TSPEAR: variants seen among roughly 807,000 people sequenced by gnomAD.
TSPEAR encodes thrombospondin type laminin G domain and EAR repeats, also known as thrombospondin-type laminin G domain and EAR repeat-containing protein.
A neutral mutation model predicts 71.6 loss-of-function variants in TSPEAR; 69 were observed. That is an observed-to-expected ratio of 0.96 (90% confidence interval 0.79 to 1.18). The LOEUF (loss-of-function observed/expected upper bound fraction) is 1.18, where lower values mean the gene tolerates loss of function less well. TSPEAR is among the 50% of genes most tolerant of loss of function. The pLI is 0.00. For synonymous variants in TSPEAR, 402 were observed against 387.2 expected, an observed-to-expected ratio of 1.04 and a Z score of -0.45; for missense variants, 971 against 894.9, an observed-to-expected ratio of 1.09 and a Z score of -1.09.
At chr21:44,637,716 G>A in intron 1 of TSPEAR, 1 of 1,223,036 alleles carries the variant, frequency 8.2e-7, no homozygotes, top group Non-Finnish European at 1.1e-6. Context: ...CCTGTCTGCT[G>A]TGTGCCCGTC....
At chr21:44,599,539 C>T (rs1555928133) in intron 1 of TSPEAR, among the ~76,000 whole-genome samples, 1 of 152,234 alleles carries the variant, frequency 6.6e-6, no homozygotes, top group African/African-American at 2.4e-5. Context: ...CACCTCCCTC[C>T]CTGGTGGGGT....
intron 1 of TSPEAR, chr21:44,654,786 C>T: frequency 1.7e-6 from 1 of 587,128 alleles, no homozygotes; most frequent in Non-Finnish European, 3.1e-6. Context: ...CTGTGTTTTT[C>T]TGTTGAGGTT....
Position 44,499,918 on chromosome 21 carries a change from G to A in TSPEAR, c.1875C>T (p.Gly625=), listed in dbSNP as rs587631248. The A allele has an allele frequency of 1.7e-5, 27 of 1,606,804 alleles. No individual in the cohort carries two copies. The South Asian group carries it at 2.5e-4, about 15-fold the overall frequency. ...SIIYRWQGYE[G]FVAVHSLPTV... is the part of the protein sequence containing the mutation. ...TGGGGAGGCTGTGCACCGCCACGAA[G>A]CCCTCGTAGCCCTGCCACCTGCGGA... is the stretch of plus-strand genomic sequence containing the variant. The change falls in exon 12 of 12, where the codon GGC becomes GGT. Residue 625 remains glycine (G), a synonymous_variant. Transcript: ENST00000323084.
chr21:44,586,988 A>G (rs1979378620), intron 1 of TSPEAR, among the ~76,000 whole-genome samples: 1 of 152,188 alleles, frequency 6.6e-6, no homozygotes, highest in African/African-American at 2.4e-5. Flanking sequence ...AAATGTAGGG[A>G]TGCCCATTCT....
intron 1 of TSPEAR, chr21:44,647,135 G>C (rs1555940240): frequency 6.2e-7 from 1 of 1,614,008 alleles, no homozygotes; most frequent in East Asian, 2.2e-5. Flanking sequence ...CCAGCTTGCT[G>C]CACCACCTCC....
At chr21:44,661,812 C>A (rs1449976498) in intron 1 of TSPEAR, among the ~76,000 whole-genome samples, 2 of 152,096 alleles carry the variant, frequency 1.3e-5, no homozygotes, top group Non-Finnish European at 2.9e-5. Context: ...AACCAGGTCT[C>A]CCAAGAACTC....
chr21:44,579,843 A>T lies in TSPEAR; in HGVS notation c.83-11838T>A, dbSNP rs782147875. On this transcript the variant is annotated intron_variant, in intron 1 of 11. Coordinates refer to ENST00000323084, the MANE Select transcript of TSPEAR (RefSeq NM_144991.3). ...GGGCGGCAGCAGCTGGCCTGGTAGG[A>T]GGAGGCAGGGGCACAGCAGGAGGAG... 6 of 1,596,098 alleles carry T rather than the reference A, an allele frequency of 3.8e-6. No individual in the cohort carries two copies. In the Admixed American group the frequency reaches 5.1e-5, roughly 14 times the overall value.
At chr21:44,699,068 C>T (rs1987523692) in intron 1 of TSPEAR, among the ~76,000 whole-genome samples, 1 of 152,178 alleles carries the variant, frequency 6.6e-6, no homozygotes, top group South Asian at 2.1e-4. Flanking sequence ...CATCATGGCA[C>T]GCGCCTGTGG....
At chr21:44,626,065 C>T (rs1209426179) in intron 1 of TSPEAR, among the ~76,000 whole-genome samples, 2 of 152,202 alleles carry the variant, frequency 1.3e-5, no homozygotes, top group Non-Finnish European at 2.9e-5. Context: ...GAATGAGAGG[C>T]CGTTTCCAGC....
At chr21:44,535,582 GTT>G (rs2053074916) in intron 2 of TSPEAR, among the ~76,000 whole-genome samples, 1 of 151,678 alleles carries the variant, frequency 6.6e-6, no homozygotes, top group South Asian at 2.1e-4. Context: ...CGAATACACT[GTT>G]TGTACACTGC....
intron 11 of TSPEAR, among the ~76,000 whole-genome samples, chr21:44,502,911 G>A (rs189590117): frequency 6.8e-4 from 47 of 69,134 alleles, no homozygotes; most frequent in Non-Finnish European, 1.4e-3. Flanking sequence ...GAAGTAAGGC[G>A]CTGGGAGGAA....
At chr21:44,537,418 G>T (rs1157294728) in intron 2 of TSPEAR, among the ~76,000 whole-genome samples, 1 of 152,324 alleles carries the variant, frequency 6.6e-6, no homozygotes. Context: ...TTATGAAGCT[G>T]AATAACATGG....
At chr21:44,509,946 C>G (rs2052320772) in intron 9 of TSPEAR, 1 of 153,738 alleles carries the variant, frequency 6.5e-6, no homozygotes, top group Non-Finnish European at 1.4e-5. Flanking sequence ...CGAGTTTTCT[C>G]TTACACGCTT....
intron 6 of TSPEAR, among the ~76,000 whole-genome samples, chr21:44,528,199 C>T (rs1472595671): frequency 6.6e-6 from 1 of 152,150 alleles, no homozygotes; most frequent in Non-Finnish European, 1.5e-5. Flanking sequence ...GTTTCCTGTC[C>T]TAAGTGGTGC....
intron 1 of TSPEAR, among the ~76,000 whole-genome samples, chr21:44,622,020 C>T (rs1331300092): frequency 2.6e-5 from 4 of 152,140 alleles, no homozygotes; most frequent in Non-Finnish European, 4.4e-5. Context: ...ATGTTATATG[C>T]ATGGAACCCC....
At chr21:44,605,110 A>C (rs1163470327) in intron 1 of TSPEAR, among the ~76,000 whole-genome samples, 2 of 152,240 alleles carry the variant, frequency 1.3e-5, no homozygotes, top group East Asian at 3.8e-4. Flanking sequence ...AATTTAATAA[A>C]GTTGCAAGTT....
chr21:44,580,490 G>C (rs149326833), intron 1 of TSPEAR: 27 of 1,613,236 alleles, frequency 1.7e-5, no homozygotes, highest in Admixed American at 1.5e-4. Flanking sequence ...GGTGCCGCAG[G>C]GGGGCTCACA....
intron 1 of TSPEAR, among the ~76,000 whole-genome samples, chr21:44,706,115 A>G (rs1205468829): frequency 6.6e-6 from 1 of 152,202 alleles, no homozygotes; most frequent in African/African-American, 2.4e-5. Context: ...ATCGAGGCCT[A>G]GTGCGAGCAC....
intron 1 of TSPEAR, among the ~76,000 whole-genome samples, chr21:44,662,193 G>A (rs1420881266): frequency 6.6e-6 from 1 of 151,980 alleles, no homozygotes; most frequent in Non-Finnish European, 1.5e-5. Context: ...AAAAAACAGA[G>A]ATTTTTAATT....
Sources: gnomAD v4.1 joint callset for allele counts (sites outside exome capture counted in the v4.1 genomes callset) on GRCh38, gnomAD v4.1.1 for gene constraint, MANE v1.5 for transcripts, NCBI Gene and HGNC (gene_info 2026-07-23, HGNC 2026-07-21) for gene names.